PPM1N: variants seen among roughly 807,000 people sequenced by gnomAD.
The protein encoded by PPM1N is protein phosphatase, Mg2+/Mn2+ dependent 1N (putative).
PPM1N carries 35 observed loss-of-function variants against 32.6 expected under a neutral mutation model. The observed-to-expected ratio is 1.07, with a 90% CI of 0.82 to 1.43. The LOEUF is 1.43. PPM1N is among the 40% of genes most tolerant of loss of function. The pLI, the probability that PPM1N is intolerant of heterozygous loss-of-function variation, is 0.00. For missense variants in PPM1N, 648 were observed against 606.6 expected, an observed-to-expected ratio of 1.07 and a Z score of -0.72; for synonymous variants, 275 against 270.5, an observed-to-expected ratio of 1.02 and a Z score of -0.16.
In PPM1N at chr19:45,498,917, G is replaced by C; in HGVS notation, c.445G>C (p.Glu149Gln). Residue 149 changes from glutamate (E) to glutamine (Q), a missense_variant, in exon 1 of 5, where the codon GAG (glutamate) becomes CAG (glutamine). Physicochemically the swap from Glu to Gln is conservative, Grantham distance 29 (BLOSUM62 2). Transcript: ENST00000451287. The part of the protein sequence containing the change: ...ALRRAFLSAD[E>Q]RLRSLWPRVE... ...GCGCCGAGCCTTCTTGAGCGCCGAC[G>C]AGCGCCTGCGCTCCCTCTGGCCCCG... 4 of 1,531,014 alleles carry C rather than the reference G, an allele frequency of 2.6e-6. No individual in the cohort carries two copies. Among genetic ancestry groups the C allele is most frequent in the Non-Finnish European group, 3.5e-6 (4 of 1,148,202 alleles). The allele number at this position is 1,531,014 out of a possible 1,614,324, so 94.8% of individuals were successfully genotyped here.
In PPM1N at chr19:45,499,576, A is replaced by G. The variant is rs1049347772; in HGVS notation, c.939+165A>G. 8.4e-6 allele frequency: 13 copies of G among 1,549,624 alleles called. No homozygotes were observed. The African/African-American group carries it at 1.1e-4, about 13-fold the overall frequency. On this transcript the variant is annotated intron_variant, in intron 1 of 4. Coordinates refer to ENST00000451287, the MANE Select transcript of PPM1N (RefSeq NM_001080401.2). ...GGCCTGAAGTGGGCAGGGCCAAAAT[A>G]CAGGGGCGGAGCCTGAGGGATGCTT...
intron 4 of PPM1N, among the ~76,000 whole-genome samples, chr19:45,501,705 G>T (rs1041759304): frequency 6.6e-6 from 1 of 152,084 alleles, no homozygotes. Flanking sequence ...TCCTCCTAAG[G>T]TAGCGGAGAC....
chr19:45,501,891 G>C, intron 4 of PPM1N, 126 bp from the exon 5 acceptor site: 1 of 571,690 alleles, frequency 1.7e-6, no homozygotes, highest in Non-Finnish European at 2.9e-6. Context: ...TTGGGGTTGG[G>C]GTCCACTCCA....
chr19:45,498,785 C>T lies in PPM1N; in HGVS notation c.313C>T (p.His105Tyr). ...GGCCTTGTTTGCCGTCCTCGACGGC[C>T]ACGGTGGGGCTCGAGCTGCCCGCTT... ...GWALFAVLDG[H>Y]GGARAARFGA... Residue 105 changes from histidine (H) to tyrosine (Y), a missense_variant, in exon 1 of 5, where the codon CAC becomes TAC. His to Tyr is a moderately conservative substitution (Grantham distance 83). Coordinates refer to ENST00000451287, the MANE Select transcript of PPM1N (RefSeq NM_001080401.2). The T allele has an allele frequency of 6.4e-7, 1 of 1,554,436 alleles. No homozygotes were observed. The highest frequency in any genetic ancestry group is 8.7e-7 in the Non-Finnish European group (1 of 1,155,332).
rs749736288 is a variant in PPM1N at position 45,500,543 on chromosome 19, G to A, written c.1145G>A (p.Gly382Glu). 7 of 1,610,544 alleles carry A rather than the reference G, an allele frequency of 4.3e-6. No individual in the cohort carries two copies. Among genetic ancestry groups the A allele is most frequent in the Non-Finnish European group, 5.9e-6 (7 of 1,178,372 alleles). ...ASEDIPDLPP[G>E]GGLDCKATVI... Reference sequence around the variant, plus strand: ...GAGGACATCCCAGATTTACCTCCTGGGGGAGGGCTGGACTGCAAGTGAGTT... The same window carrying A: ...GAGGACATCCCAGATTTACCTCCTGAGGGAGGGCTGGACTGCAAGTGAGTT... Residue 382 changes from glycine (G) to glutamate (E), a missense_variant, in exon 3 of 5, where the codon GGG becomes GAG. Gly to Glu is a moderately conservative substitution (Grantham distance 98). Transcript: ENST00000451287.
At position 45,502,071 on chromosome 19, in the gene PPM1N, G is replaced by A; in HGVS notation, c.1279G>A (p.Asp427Asn). 2.5e-6 allele frequency: 4 copies of A among 1,580,184 alleles called. No individual in the cohort carries two copies. The highest frequency in any genetic ancestry group is 3.4e-6 in the Non-Finnish European group (4 of 1,167,390). The change falls in exon 5 of 5, where the codon GAC (aspartate) becomes AAC (asparagine). Residue 427 changes from aspartate to asparagine, a missense_variant. By Grantham distance (23) the Asp-to-Asn change is conservative. Transcript: ENST00000451287. ...SNPTHLGSALDMEA is the reference protein window; with the variant it reads ...SNPTHLGSALNMEA ...CCCCACGCATTTGGGCTCAGCCTTG[G>A]ACATGGAGGCCTGACAGCTGTTGTC... is the stretch of plus-strand genomic sequence containing the variant.
Position 45,500,784 on chromosome 19 carries a change from A to G in PPM1N, c.1224+74A>G. 3 of 1,129,070 alleles carry G rather than the reference A, an allele frequency of 2.7e-6. No individual in the cohort carries two copies. In the South Asian group the frequency reaches 4.0e-5, roughly 15 times the overall value. The allele number at this position is 1,129,070 out of a possible 1,614,324, so 69.9% of individuals were successfully genotyped here. On this transcript the variant is annotated intron_variant, in intron 4 of 4. Transcript: ENST00000451287. Reference sequence around the variant, plus strand: ...CCGCCCACCCCTCTTAGTGACAGGGAAATTGAAGCCAGTGAGGATAAGGGA... The same window carrying G: ...CCGCCCACCCCTCTTAGTGACAGGGGAATTGAAGCCAGTGAGGATAAGGGA...
At position 45,498,628 on chromosome 19, in the gene PPM1N, C is replaced by A. The variant is rs1215222342; in HGVS notation, c.156C>A (p.Ala52=). The change falls in exon 1 of 5, where the codon GCC becomes GCA. Residue 52 remains alanine (A), a synonymous_variant. Transcript: ENST00000451287. ...CTCTGTTGACAGCGCCGCGCCGCGC[C>A]CAGCGGCCGCACGGGGGTGCCGAGG... ...PRSLLTAPRR[A]QRPHGGAEAS... is the part of the protein sequence containing the mutation. 7.1e-7 allele frequency: 1 copy of A among 1,414,452 alleles called. No homozygotes were observed. The highest frequency in any genetic ancestry group is 9.2e-7 in the Non-Finnish European group (1 of 1,090,032). 87.6% of individuals were successfully genotyped at this position (1,414,452 alleles called of 1,614,324 possible).
intron 2 of PPM1N, 30 bp downstream of exon 2, chr19:45,500,096 G>C: frequency 6.4e-7 from 1 of 1,560,452 alleles, no homozygotes; most frequent in Non-Finnish European, 8.7e-7. Context: ...CCAGCTGGAG[G>C]GGTGGTTGGC....
intron 3 of PPM1N, 37 bp downstream of exon 3, chr19:45,500,598 G>C (rs1440647353): frequency 1.9e-6 from 3 of 1,588,740 alleles, no homozygotes; most frequent in South Asian, 1.1e-5. Flanking sequence ...TGGAATGAGG[G>C]TGGGGTGGAA....
chr19:45,498,645 G>T lies in PPM1N; in HGVS notation c.173G>T (p.Gly58Val). 1 of 1,418,062 alleles carries T rather than the reference G, an allele frequency of 7.1e-7. No homozygotes were observed. Among genetic ancestry groups the T allele is most frequent in the Non-Finnish European group, 9.2e-7 (1 of 1,090,248 alleles). 87.8% of individuals were successfully genotyped at this position (1,418,062 alleles called of 1,614,324 possible). ...CGCCGCGCCCAGCGGCCGCACGGGG[G>T]TGCCGAGGCGTCTGGGGGCCTGCGC... ...APRRAQRPHGGAEASGGLRFG... is the reference protein window; with the variant it reads ...APRRAQRPHGVAEASGGLRFG... The change falls in exon 1 of 5, where the codon GGT becomes GTT. Residue 58 changes from glycine to valine, a missense_variant. Gly to Val is a moderately radical substitution (Grantham distance 109, BLOSUM62 -3). Transcript: ENST00000451287.
rs1410472342 is a variant in PPM1N, at chr19:45,498,807, G to T, written c.335G>T (p.Arg112Leu). 4.5e-6 allele frequency: 7 copies of T among 1,547,556 alleles called. No homozygotes were observed. The highest frequency in any genetic ancestry group is 2.5e-5 in the East Asian group (1 of 40,044). The change falls in exon 1 of 5, where the codon CGC becomes CTC. Residue 112 changes from arginine to leucine, a missense_variant. Coordinates refer to ENST00000451287, the MANE Select transcript of PPM1N (RefSeq NM_001080401.2). ...LDGHGGARAA[R>L]FGARHLPGHV... is the part of the protein sequence containing the mutation. ...GGCCACGGTGGGGCTCGAGCTGCCCGCTTCGGTGCACGCCATTTGCCAGGC... is the reference window on the plus strand; with the variant it reads ...GGCCACGGTGGGGCTCGAGCTGCCCTCTTCGGTGCACGCCATTTGCCAGGC...
intron 1 of PPM1N, 167 bp downstream of exon 1, chr19:45,499,578 A>G (rs866099019): frequency 6.5e-7 from 1 of 1,549,688 alleles, no homozygotes; most frequent in African/African-American, 1.4e-5. Context: ...GCCAAAATAC[A>G]GGGGCGGAGC....
In PPM1N at chr19:45,498,646, T is replaced by G; in HGVS notation, c.174T>G (p.Gly58=). The G allele has an allele frequency of 3.5e-6, 5 of 1,417,794 alleles. No individual in the cohort carries two copies. The highest frequency in any genetic ancestry group is 1.8e-4 in the Middle Eastern group (1 of 5,462). 87.8% of individuals were successfully genotyped at this position (1,417,794 alleles called of 1,614,324 possible). ...GCCGCGCCCAGCGGCCGCACGGGGG[T>G]GCCGAGGCGTCTGGGGGCCTGCGCT... The part of the protein sequence containing the change: ...APRRAQRPHG[G]AEASGGLRFG... Residue 58 remains glycine, a synonymous_variant, in exon 1 of 5, where the codon GGT becomes GGG. Coordinates refer to ENST00000451287, the MANE Select transcript of PPM1N (RefSeq NM_001080401.2).
Position 45,499,027 on chromosome 19 carries a change from G to T in PPM1N, c.555G>T (p.Ala185=), listed in dbSNP as rs376430518. 1.6e-5 allele frequency: 24 copies of T among 1,539,758 alleles called. No individual in the cohort carries two copies. Among genetic ancestry groups the T allele is most frequent in the African/African-American group, 2.8e-5 (2 of 71,230 alleles). Residue 185 remains alanine (A), a synonymous_variant, in exon 1 of 5, where the codon GCG becomes GCT. Transcript: ENST00000451287. ...TGGCGCACTGCGGTGACTCCCGCGCGGTGCTGAGCCGCGCTGGCGCCGTGG... is the reference window on the plus strand; with the variant it reads ...TGGCGCACTGCGGTGACTCCCGCGCTGTGCTGAGCCGCGCTGGCGCCGTGG... The part of the protein sequence containing the change: ...LYLAHCGDSR[A]VLSRAGAVAF...
intron 4 of PPM1N, 43 bp downstream of exon 4, chr19:45,500,753 G>A (rs759556509): frequency 9.5e-6 from 14 of 1,478,558 alleles, no homozygotes; most frequent in East Asian, 2.5e-5. Context: ...AGGAGGGGAC[G>A]CCCCCCCGCC....
intron 4 of PPM1N, among the ~76,000 whole-genome samples, chr19:45,501,764 A>C (rs547870822): frequency 6.6e-6 from 1 of 152,180 alleles, no homozygotes; most frequent in Non-Finnish European, 1.5e-5. Context: ...CCAGTGGAGA[A>C]AGTTTGCCAA....
chr19:45,500,527 C>T lies in PPM1N; in HGVS notation c.1129C>T (p.Pro377Ser), dbSNP rs200458133. Residue 377 changes from proline to serine, a missense_variant, in exon 3 of 5, where the codon CCA becomes TCA. Coordinates refer to ENST00000451287, the MANE Select transcript of PPM1N (RefSeq NM_001080401.2). ...CAGGACTCTGGCCTCAGAGGACATC[C>T]CAGATTTACCTCCTGGGGGAGGGCT... is the stretch of plus-strand genomic sequence containing the variant. ...VFRTLASEDI[P>S]DLPPGGGLDC... 4 of 1,611,756 alleles carry T rather than the reference C, an allele frequency of 2.5e-6. No individual in the cohort carries two copies. The highest frequency in any genetic ancestry group is 3.4e-6 in the Non-Finnish European group (4 of 1,178,898).
In PPM1N at chr19:45,502,200, G is replaced by A; in HGVS notation, c.*115G>A. The A allele has an allele frequency of 1.3e-6, 1 of 777,614 alleles. No individual in the cohort carries two copies. The highest frequency in any genetic ancestry group is 2.1e-6 in the Non-Finnish European group (1 of 466,098). 48.2% of individuals were successfully genotyped at this position (777,614 alleles called of 1,614,324 possible). A position where few individuals can be genotyped will look rare whatever the true frequency, so the allele number is the denominator to read the frequency against. On this transcript the variant is annotated 3_prime_UTR_variant, in exon 5 of 5. Transcript: ENST00000451287. The stretch of plus-strand genomic sequence containing the variant: ...AGCGGAAGGAAGGAAGGCCAATGTA[G>A]GAACCCAAAATGCTTATTTCTTCTT...
Sources: allele counts gnomAD v4.1 joint callset (sites outside exome capture counted in the v4.1 genomes callset), GRCh38; gene constraint gnomAD v4.1.1; transcripts MANE v1.5; gene names NCBI Gene and HGNC (gene_info 2026-07-23, HGNC 2026-07-21).